The following COL9A3 variants were observed in gnomAD, a reference collection of about 807,000 sequenced individuals.
The protein encoded by COL9A3 is collagen alpha-3(IX) chain.
Under a neutral mutation model 110.2 loss-of-function variants are expected in COL9A3, and 82 were observed. That is an observed-to-expected ratio of 0.74 (90% CI 0.62 to 0.89). The LOEUF (loss-of-function observed/expected upper bound fraction) is 0.89. COL9A3 is among the 40% of genes least tolerant of loss of function. The pLI, the probability that COL9A3 is intolerant of heterozygous loss-of-function variation, is 0.00. For synonymous variants in COL9A3, 494 were observed against 403.8 expected (o/e 1.22, Z -2.68); for missense variants, 1,066 against 981.3 (o/e 1.09, Z -1.15).
chr20:62,840,648 G>C lies in COL9A3; in HGVS notation c.1971G>C (p.Gly657=). 1 of 1,610,200 alleles carries C rather than the reference G, an allele frequency of 6.2e-7. No individual in the cohort carries two copies. Among genetic ancestry groups the C allele is most frequent in the Admixed American group, 1.7e-5 (1 of 59,352 alleles). The change falls in exon 32 of 32, where the codon GGG becomes GGC. Residue 657 remains glycine, a synonymous_variant. Coordinates refer to ENST00000649368, the MANE Select transcript of COL9A3 (RefSeq NM_001853.4). ...TTCCAGGTGCCATTGGGGCCCAGGG[G>C]ACACCGGGGATCTGCGACACCTCAG... The part of the protein sequence containing the change: ...PGLPGAIGAQ[G]TPGICDTSAC...
Position 62,832,913 on chromosome 20 carries a change from TAA to T in COL9A3, c.1324-106_1324-105del, listed in dbSNP as rs111943036. ...GGGCCTGGGCTTTTGGCCTCGACCTTAAGATGAACATTACACCTACGGAGGCT... is the reference window on the plus strand; with the variant it reads ...GGGCCTGGGCTTTTGGCCTCGACCTTGATGAACATTACACCTACGGAGGCT... On this transcript the variant is annotated intron_variant, in intron 25 of 31. Coordinates refer to ENST00000649368, the MANE Select transcript of COL9A3 (RefSeq NM_001853.4). 6,250 of 1,081,410 alleles carry T rather than the reference TAA, an allele frequency of 5.8e-3. 236 individuals carry two copies. The African/African-American group carries it at 0.087, about 15-fold the overall frequency. 67.0% of individuals were successfully genotyped at this position (1,081,410 alleles called of 1,614,324 possible). A position where few individuals can be genotyped will look rare whatever the true frequency, so the allele number is the denominator to read the frequency against.
rs1318073098 is a variant in COL9A3 at position 62,836,320 on chromosome 20, A to G, written c.1535A>G (p.Lys512Arg). The G allele has an allele frequency of 6.2e-7, 1 of 1,613,834 alleles. No individual in the cohort carries two copies. Among genetic ancestry groups the G allele is most frequent in the Non-Finnish European group, 8.5e-7 (1 of 1,180,022 alleles). Residue 512 changes from lysine to arginine, a missense_variant, in exon 28 of 32, where the codon AAG becomes AGG. Coordinates refer to ENST00000649368, the MANE Select transcript of COL9A3 (RefSeq NM_001853.4). The stretch of plus-strand genomic sequence containing the variant: ...CCGGGTGTTCCTGGCATCACGGGGA[A>G]GCCGGGAGTTCCGGTACGTCGCTTT... Reference protein sequence around the residue: ...GVPGVPGITGKPGVPGKEASE... With the variant: ...GVPGVPGITGRPGVPGKEASE...
chr20:62,826,190 C>T lies in COL9A3; in HGVS notation c.685-14C>T. On this transcript the variant is annotated splice_polypyrimidine_tract_variant and intron_variant, in intron 13 of 31. Transcript: ENST00000649368. ...TGCAGCCCCAGCCTCTGCATCTGTG[C>T]CTCTCTCTCGCAGGGCCCCCGGGGA... The T allele has an allele frequency of 6.4e-7, 1 of 1,557,298 alleles. No homozygotes were observed.
At chr20:62,830,653 C>CT in intron 24 of COL9A3, 65 bp downstream of exon 24, 3 of 805,074 alleles carry the variant, frequency 3.7e-6, no homozygotes, top group Non-Finnish European at 3.4e-6. Context: ...CAGTCCCCCA[C>CT]CCCCATGACA....
At chr20:62,834,703 T>C (rs1048123337) in intron 26 of COL9A3, among the ~76,000 whole-genome samples, 1 of 152,098 alleles carries the variant, frequency 6.6e-6, no homozygotes, top group African/African-American at 2.4e-5. Flanking sequence ...AGTGCGGTGG[T>C]GTGATCTCAG....
At chr20:62,830,229 C>G in intron 22 of COL9A3, 131 bp from the exon 23 acceptor site, 1 of 1,099,274 alleles carries the variant, frequency 9.1e-7, no homozygotes, top group Non-Finnish European at 1.4e-6. Flanking sequence ...CCCCAGCAAC[C>G]CAGCCAGGTG....
chr20:62,817,583 G>C lies in COL9A3; in HGVS notation c.95G>C (p.Gly32Ala). The change falls in exon 2 of 32, where the codon GGC (glycine) becomes GCC (alanine). Residue 32 changes from glycine to alanine, a missense_variant. Physicochemically the swap from Gly to Ala is moderately conservative, Grantham distance 60. Coordinates refer to ENST00000649368, the MANE Select transcript of COL9A3 (RefSeq NM_001853.4). ...CCGTTTCAGAGAGTGGGACTCCCCGGCCCCCCCGGCCCCCCAGGGCCGCCC... is the reference window on the plus strand; with the variant it reads ...CCGTTTCAGAGAGTGGGACTCCCCGCCCCCCCCGGCCCCCCAGGGCCGCCC... ...AAGAQRVGLP[G>A]PPGPPGPPGK... 6.5e-7 allele frequency: 1 copy of C among 1,534,402 alleles called. No individual in the cohort carries two copies. The highest frequency in any genetic ancestry group is 8.8e-7 in the Non-Finnish European group (1 of 1,136,604).
At chr20:62,829,345 T>G in intron 19 of COL9A3, 110 bp from the exon 20 acceptor site, 14 of 1,413,966 alleles carry the variant, frequency 9.9e-6, no homozygotes, top group South Asian at 2.4e-5. Flanking sequence ...GGCCCTGCCT[T>G]TGGGTGCACT....
At chr20:62,818,604 G>A (rs775086653) in intron 3 of COL9A3, 51 bp downstream of exon 3, 1 of 1,565,700 alleles carries the variant, frequency 6.4e-7, no homozygotes. Context: ...GGAGAGAAAG[G>A]GGGAACTCAG....
chr20:62,834,393 T>C (rs2063619478), intron 26 of COL9A3, among the ~76,000 whole-genome samples: 1 of 152,214 alleles, frequency 6.6e-6, no homozygotes, highest in South Asian at 2.1e-4. Context: ...CTTGTTTGAG[T>C]CCCTTGATAG....
In COL9A3 at chr20:62,830,414, G is replaced by A; in HGVS notation, c.1215+1G>A. On this transcript the variant is annotated splice_donor_variant, in intron 23 of 31. Coordinates refer to ENST00000649368, the MANE Select transcript of COL9A3 (RefSeq NM_001853.4). LOFTEE classifies it high-confidence loss of function. ...AGCCCCTGGTGTCCGAGGCTTCCAG[G>A]TGGGTGAGGTTGGGGCAAGGGCCTG... 1.3e-6 allele frequency: 2 copies of A among 1,568,446 alleles called. No individual in the cohort carries two copies. The highest frequency in any genetic ancestry group is 1.7e-6 in the Non-Finnish European group (2 of 1,156,846).
intron 3 of COL9A3, 67 bp downstream of exon 3, chr20:62,818,620 AG>A: frequency 6.7e-7 from 1 of 1,495,422 alleles, no homozygotes; most frequent in Non-Finnish European, 9.3e-7. Context: ...CTCAGAACAG[AG>A]GGGTCATTGA....
At position 62,826,808 on chromosome 20, in the gene COL9A3, G is replaced by A. The variant is rs549044273; in HGVS notation, c.780G>A (p.Ala260=). ...GFRGPPGIPG[A]PGKAGDRGER... is the part of the protein sequence containing the mutation. ...GAGGGCCGCCTGGGATCCCAGGAGCGCCTGGGAAAGCGGTACGTGTGTCAG... is the reference window on the plus strand; with the variant it reads ...GAGGGCCGCCTGGGATCCCAGGAGCACCTGGGAAAGCGGTACGTGTGTCAG... The change falls in exon 15 of 32, where the codon GCG becomes GCA. Residue 260 remains alanine, a synonymous_variant. Coordinates refer to ENST00000649368, the MANE Select transcript of COL9A3 (RefSeq NM_001853.4). The A allele has an allele frequency of 3.3e-5, 54 of 1,612,768 alleles. No homozygotes were observed. Among genetic ancestry groups the A allele is most frequent in the South Asian group, 2.9e-4 (26 of 91,068 alleles).
At chr20:62,817,034 C>G, upstream of COL9A3, 1 of 1,215,066 alleles carries the variant, frequency 8.2e-7, no homozygotes, top group Non-Finnish European at 1.0e-6. Context: ...CGCCGCCCGC[C>G]CCGACGCCGC....
chr20:62,834,041 T>C (rs1021174639), intron 26 of COL9A3, among the ~76,000 whole-genome samples: 2 of 151,866 alleles, frequency 1.3e-5, no homozygotes. Context: ...GCCCAGCTAA[T>C]GTTTGTATTT....
rs143633733 is a variant in COL9A3, at chr20:62,839,210, G to A, written c.1864+449G>A. Among the ~76,000 whole-genome samples the A allele has an allele frequency of 3.0e-3, 443 of 149,600 alleles. 2 individuals are homozygous for A. The highest frequency in any genetic ancestry group is 0.01 in the African/African-American group (426 of 40,638). On this transcript the variant is annotated intron_variant, in intron 31 of 31. Transcript: ENST00000649368. Reference sequence around the variant, plus strand: ...TGGCGCCACTGCCTTCCAGCCTGGCGACAGAGCGAGACTCCATCTCAAAAA... The same window carrying A: ...TGGCGCCACTGCCTTCCAGCCTGGCAACAGAGCGAGACTCCATCTCAAAAA...
chr20:62,823,693 A>G (rs1325652008), intron 10 of COL9A3, among the ~76,000 whole-genome samples: 3 of 152,248 alleles, frequency 2.0e-5, no homozygotes, highest in African/African-American at 7.2e-5. Flanking sequence ...AGGATCATCT[A>G]GAAGCAGCCC....
At chr20:62,825,684 A>G in intron 12 of COL9A3, 133 bp from the exon 13 acceptor site, 2 of 901,060 alleles carry the variant, frequency 2.2e-6, no homozygotes. Flanking sequence ...TCCCCTTCAC[A>G]GAGCCTCCAA....
rs146260681 is a variant in COL9A3, at chr20:62,819,284, G to A, written c.246G>A (p.Pro82=). ...GAGAGGCTGGGCTGCCGGGACTGCC[G>A]GGTGTGGATGTGAGTGCGCCTGCCC... The part of the protein sequence containing the change: ...KPGEAGLPGL[P]GVDGLTGRDG... Residue 82 remains proline, a synonymous_variant, in exon 4 of 32, where the codon CCG becomes CCA. Transcript: ENST00000649368. The A allele has an allele frequency of 2.5e-5, 40 of 1,610,582 alleles. No homozygotes were observed. In the East Asian group the frequency reaches 3.8e-4, roughly 15 times the overall value.
Sources: gnomAD v4.1 joint callset for allele counts (sites outside exome capture counted in the v4.1 genomes callset) on GRCh38, gnomAD v4.1.1 for gene constraint, MANE v1.5 for transcripts, NCBI Gene and HGNC (gene_info 2026-07-23, HGNC 2026-07-21) for gene names.